The following NPAS2 variants were observed in gnomAD, a reference collection of about 807,000 sequenced individuals.
NPAS2 encodes neuronal PAS domain protein 2, also known as neuronal PAS domain-containing protein 2.
In NPAS2, 23 loss-of-function variants were observed where a neutral mutation model predicts 107.5. That is an observed-to-expected ratio of 0.21 (90% CI 0.15 to 0.30). The LOEUF (loss-of-function observed/expected upper bound fraction) is 0.30, where lower values mean the gene tolerates loss of function less well. Ranked by LOEUF, NPAS2 falls within the 10% of genes least tolerant of loss-of-function variation. The pLI is 1.00. For synonymous variants in NPAS2, 403 were observed against 417.5 expected, an observed-to-expected ratio of 0.97 and a Z score of 0.42; for missense variants, 756 against 1,043.3, an observed-to-expected ratio of 0.72 and a Z score of 3.79.
intron 1 of NPAS2, among the ~76,000 whole-genome samples, chr2:100,887,131 G>A (rs1680746394): frequency 1.3e-5 from 2 of 152,202 alleles, no homozygotes; most frequent in Admixed American, 6.5e-5. Context: ...AAGCAGGACT[G>A]GCCTCCTGAG....
chr2:100,873,376 AT>A (rs1178593630), intron 1 of NPAS2, among the ~76,000 whole-genome samples: 1 of 145,008 alleles, frequency 6.9e-6, no homozygotes, highest in African/African-American at 2.6e-5. Context: ...ATATATATAT[AT>A]TTTTTCAAAT....
At chr2:100,923,717 T>A (rs1369567711) in intron 2 of NPAS2, among the ~76,000 whole-genome samples, 3 of 152,010 alleles carry the variant, frequency 2.0e-5, no homozygotes, top group African/African-American at 7.2e-5. Flanking sequence ...TCTCAGAGAG[T>A]TGACTTCTGG....
intron 11 of NPAS2, among the ~76,000 whole-genome samples, chr2:100,969,162 GGACA>G (rs916676622): frequency 3.3e-5 from 5 of 152,078 alleles, no homozygotes; most frequent in African/African-American, 1.2e-4. Context: ...AAAGTTGGAA[GGACA>G]GCATGCCTTT....
Position 100,830,429 on chromosome 2 carries a change from C to T in NPAS2, c.-23+10015C>T, listed in dbSNP as rs190649859. On this transcript the variant is annotated intron_variant, in intron 1 of 20. Transcript: ENST00000335681. The stretch of plus-strand genomic sequence containing the variant: ...TGTTGGTGTGCTGCACCCATTAACT[C>T]GTCATTTACATTAGGTATTTCTACT... Among the ~76,000 whole-genome samples the T allele has an allele frequency of 3.4e-4, 52 of 152,010 alleles. No individual in the cohort carries two copies. In the East Asian group the frequency reaches 9.1e-3, roughly 27 times the overall value.
intron 10 of NPAS2, among the ~76,000 whole-genome samples, chr2:100,967,393 A>G (rs1311868373): frequency 6.6e-6 from 1 of 151,216 alleles, no homozygotes; most frequent in Non-Finnish European, 1.5e-5. Context: ...CACCCGGCTA[A>G]TTTTTTGTAT....
At chr2:100,868,524 T>A (rs536529392) in intron 1 of NPAS2, among the ~76,000 whole-genome samples, 1 of 152,358 alleles carries the variant, frequency 6.6e-6, no homozygotes, top group Non-Finnish European at 1.5e-5. Context: ...ATCTAAGAAT[T>A]GGTGGTTTTC....
At chr2:100,898,946 G>A (rs1372982014) in intron 1 of NPAS2, among the ~76,000 whole-genome samples, 1 of 152,188 alleles carries the variant, frequency 6.6e-6, no homozygotes, top group Non-Finnish European at 1.5e-5. Context: ...AGCATGATGT[G>A]ATAAGAAGGA....
intron 1 of NPAS2, among the ~76,000 whole-genome samples, chr2:100,855,757 C>T (rs749782305): frequency 6.6e-6 from 1 of 152,170 alleles, no homozygotes; most frequent in African/African-American, 2.4e-5. Context: ...GCAACCAGGC[C>T]CATTCCCCAA....
chr2:100,849,617 A>G (rs1459751087), intron 1 of NPAS2, among the ~76,000 whole-genome samples: 1 of 152,220 alleles, frequency 6.6e-6, no homozygotes, highest in African/African-American at 2.4e-5. Flanking sequence ...ACAAAAAGCC[A>G]TAATGTATTT....
chr2:100,970,668 A>G (rs1450728215), intron 11 of NPAS2: 2 of 236,044 alleles, frequency 8.5e-6, no homozygotes, highest in African/African-American at 2.3e-5. Context: ...AGCTTATCCC[A>G]TAGACGAAAA....
intron 10 of NPAS2, among the ~76,000 whole-genome samples, chr2:100,966,141 C>A (rs1048207629): frequency 6.6e-5 from 10 of 152,112 alleles, no homozygotes; most frequent in Admixed American, 2.6e-4. Context: ...GTATTGGTCA[C>A]TAACCATAGG....
In NPAS2 at chr2:100,903,900, C is replaced by T. The variant is rs114024022; in HGVS notation, c.-22-833C>T. On this transcript the variant is annotated intron_variant, in intron 1 of 20. Coordinates refer to ENST00000335681, the MANE Select transcript of NPAS2 (RefSeq NM_002518.4). The stretch of plus-strand genomic sequence containing the variant: ...GCAGCTCTGAGGGGTGGAGGGAACC[C>T]AGGCCTGCGTGTGGTAGGAGAGGAA... 4.9e-3 allele frequency among the ~76,000 whole-genome samples: 750 copies of T among 152,188 alleles called. 8 individuals are homozygous for T. Among genetic ancestry groups the T allele is most frequent in the African/African-American group, 0.017 (711 of 41,516 alleles).
At chr2:100,957,613 C>T (rs532551615) in intron 7 of NPAS2, among the ~76,000 whole-genome samples, 1 of 152,216 alleles carries the variant, frequency 6.6e-6, no homozygotes, top group South Asian at 2.1e-4. Context: ...AGAAACTGGC[C>T]GGGTGATTTT....
chr2:100,902,573 T>G (rs1317994345), intron 1 of NPAS2, among the ~76,000 whole-genome samples: 1 of 152,228 alleles, frequency 6.6e-6, no homozygotes, highest in Non-Finnish European at 1.5e-5. Flanking sequence ...GAATGGGGAC[T>G]TCTTGTTGAA....
intron 1 of NPAS2, among the ~76,000 whole-genome samples, chr2:100,898,155 G>A (rs990098203): frequency 2.6e-5 from 4 of 151,784 alleles, no homozygotes; most frequent in East Asian, 1.9e-4. Flanking sequence ...CTTGAACTCC[G>A]GGCTCAAGCA....
intron 5 of NPAS2, among the ~76,000 whole-genome samples, chr2:100,944,514 C>T (rs1194151042): frequency 6.6e-6 from 1 of 152,118 alleles, no homozygotes; most frequent in African/African-American, 2.4e-5. Flanking sequence ...CATTCCCTCC[C>T]TTGTCTCCAT....
intron 1 of NPAS2, among the ~76,000 whole-genome samples, chr2:100,825,914 G>A (rs972527695): frequency 6.6e-6 from 1 of 152,202 alleles, no homozygotes; most frequent in African/African-American, 2.4e-5. Flanking sequence ...GCAGGGGGCG[G>A]GGAGGTCTCC....
rs148473521 is a variant in NPAS2, at chr2:100,829,062, A to G, written c.-23+8648A>G. On this transcript the variant is annotated intron_variant, in intron 1 of 20. Coordinates refer to ENST00000335681, the MANE Select transcript of NPAS2 (RefSeq NM_002518.4). ...GTTTCTCCATTTGTTTCTGTCATCT[A>G]TGTTTTCTTTTAGAAGTGTTTTATA... Among the ~76,000 whole-genome samples the G allele has an allele frequency of 3.3e-4, 50 of 151,970 alleles. No individual in the cohort carries two copies. In the East Asian group the frequency reaches 8.5e-3, roughly 26 times the overall value.
At chr2:100,961,097 G>A (rs1488320461) in intron 7 of NPAS2, among the ~76,000 whole-genome samples, 1 of 152,182 alleles carries the variant, frequency 6.6e-6, no homozygotes, top group Non-Finnish European at 1.5e-5. Flanking sequence ...AATCCTGAGA[G>A]TCTCAGGAAG....
Sources: gnomAD v4.1 joint callset for allele counts (sites outside exome capture counted in the v4.1 genomes callset) on GRCh38, gnomAD v4.1.1 for gene constraint, MANE v1.5 for transcripts, NCBI Gene and HGNC (gene_info 2026-07-23, HGNC 2026-07-21) for gene names.